The following CPE variants were observed in gnomAD, a reference collection of about 807,000 sequenced individuals.
CPE encodes the protein carboxypeptidase E, also known as carbocypeptidase E.
A neutral mutation model predicts 53.5 loss-of-function variants in CPE; 17 were observed. That is an observed-to-expected ratio of 0.32 (90% CI 0.22 to 0.48). The LOEUF (loss-of-function observed/expected upper bound fraction) is 0.48, where lower values mean the gene tolerates loss of function less well. CPE is among the 20% of genes least tolerant of loss of function. The probability of loss-of-function intolerance (pLI) is 0.99; values close to 1 mark genes in which losing one functional copy is unlikely to be tolerated. For synonymous variants in CPE, 226 were observed against 228.8 expected (o/e 0.99, Z 0.11); for missense variants, 524 against 614.7 (o/e 0.85, Z 1.56).
In CPE at chr4:165,433,308, C is replaced by T. The variant is rs79428612; in HGVS notation, c.308-31082C>T. On this transcript the variant is annotated intron_variant, in intron 1 of 8. Transcript: ENST00000402744. ...GGCTTTTATCTCTCTCCTGATTTCTCGGAAGGTCAGATGACTTAGTTTTAG... is the reference window on the plus strand; with the variant it reads ...GGCTTTTATCTCTCTCCTGATTTCTTGGAAGGTCAGATGACTTAGTTTTAG... Among the ~76,000 whole-genome samples the T allele has an allele frequency of 1.1e-3, 163 of 152,176 alleles. 5 individuals carry two copies. The East Asian group carries it at 0.029, about 27-fold the overall frequency.
intron 1 of CPE, among the ~76,000 whole-genome samples, chr4:165,418,972 A>C (rs1010050054): frequency 6.6e-6 from 1 of 152,148 alleles, no homozygotes; most frequent in African/African-American, 2.4e-5. Context: ...ATTGGGAATC[A>C]TTTTTTGATA....
At chr4:165,448,265 A>T (rs1251412820) in intron 1 of CPE, among the ~76,000 whole-genome samples, 1 of 152,180 alleles carries the variant, frequency 6.6e-6, no homozygotes, top group Non-Finnish European at 1.5e-5. Flanking sequence ...ATTACTTTTC[A>T]TATTAATTAT....
At chr4:165,401,069 A>G (rs1028054996) in intron 1 of CPE, among the ~76,000 whole-genome samples, 1 of 151,342 alleles carries the variant, frequency 6.6e-6, no homozygotes, top group Non-Finnish European at 1.5e-5. Flanking sequence ...TTTTCTTTAC[A>G]CAGCTGACTA....
intron 8 of CPE, among the ~76,000 whole-genome samples, chr4:165,496,620 C>T (rs1211415163): frequency 1.3e-5 from 2 of 152,106 alleles, no homozygotes; most frequent in Non-Finnish European, 2.9e-5. Flanking sequence ...TGGGATGGGG[C>T]CTGAGGGGAT....
In CPE at chr4:165,442,040, TTTTTTTG is replaced by T. The variant is rs1560883498; in HGVS notation, c.308-22343_308-22337del. On this transcript the variant is annotated intron_variant, in intron 1 of 8. Coordinates refer to ENST00000402744, the MANE Select transcript of CPE (RefSeq NM_001873.4). ...GTGAGTTTGTTTTTTTTTTTTGTTT[TTTTTTTG>T]TTTTTTTTTTTTTGAGACAGGGTCT... 2.8e-3 allele frequency among the ~76,000 whole-genome samples: 288 copies of T among 103,930 alleles called. 9 individuals carry two copies. Among genetic ancestry groups the T allele is most frequent in the East Asian group, 5.3e-3 (16 of 2,992 alleles). 68.2% of individuals were successfully genotyped at this position (103,930 alleles called of 152,430 possible). A position where few individuals can be genotyped will look rare whatever the true frequency, so the allele number is the denominator to read the frequency against.
At chr4:165,491,698 T>C (rs903198986) in intron 6 of CPE, among the ~76,000 whole-genome samples, 5 of 152,176 alleles carry the variant, frequency 3.3e-5, no homozygotes, top group African/African-American at 1.2e-4. Flanking sequence ...ATTAAAAAAT[T>C]ACATGTTATT....
intron 3 of CPE, among the ~76,000 whole-genome samples, chr4:165,476,291 G>A (rs146103988): frequency 2.8e-4 from 43 of 152,212 alleles, no homozygotes; most frequent in African/African-American, 9.4e-4. Context: ...GTATGCTTAT[G>A]CTTCTGGGGG....
chr4:165,422,666 G>A (rs537729019), intron 1 of CPE, among the ~76,000 whole-genome samples: 15 of 152,200 alleles, frequency 9.9e-5, no homozygotes, highest in African/African-American at 3.4e-4. Flanking sequence ...GAAATGAGAC[G>A]TCAATCAATA....
intron 1 of CPE, among the ~76,000 whole-genome samples, chr4:165,411,849 T>G (rs1414911983): frequency 2.0e-5 from 3 of 152,120 alleles, no homozygotes; most frequent in Admixed American, 2.0e-4. Context: ...CTGTGGCTGG[T>G]GATGGAGGCG....
chr4:165,392,397 A>G (rs1261858157), intron 1 of CPE, among the ~76,000 whole-genome samples: 7 of 146,124 alleles, frequency 4.8e-5, no homozygotes, highest in Non-Finnish European at 9.0e-5. Context: ...TATTATGCAT[A>G]CATATTCGGA....
intron 1 of CPE, among the ~76,000 whole-genome samples, chr4:165,412,195 A>C (rs775872873): frequency 1.1e-4 from 17 of 152,214 alleles, no homozygotes; most frequent in Non-Finnish European, 2.5e-4. Context: ...TTGAGGAAGA[A>C]ACAAAAGAGA....
chr4:165,446,289 A>G (rs192408371), intron 1 of CPE, among the ~76,000 whole-genome samples: 2 of 152,340 alleles, frequency 1.3e-5, no homozygotes, highest in East Asian at 3.9e-4. Flanking sequence ...ATACAAGTTT[A>G]GACTGAGAAA....
chr4:165,476,122 C>T (rs764121115), intron 3 of CPE, among the ~76,000 whole-genome samples: 78 of 152,034 alleles, frequency 5.1e-4, no homozygotes, highest in South Asian at 1.0e-3. Flanking sequence ...TAAGGCAGAG[C>T]GAGAGACTGA....
At chr4:165,464,846 T>C (rs1342812144) in intron 2 of CPE, among the ~76,000 whole-genome samples, 1 of 152,210 alleles carries the variant, frequency 6.6e-6, no homozygotes, top group East Asian at 1.9e-4. Flanking sequence ...CTGTTTTATG[T>C]TTTTCAATAA....
rs76140012 is a variant in CPE, at chr4:165,436,324, A to G, written c.308-28066A>G. 2.0e-3 allele frequency among the ~76,000 whole-genome samples: 302 copies of G among 152,250 alleles called. 2 individuals carry two copies. The highest frequency in any genetic ancestry group is 6.8e-3 in the African/African-American group (283 of 41,560). ...GTGAGTCATGACTTGCAGTTGGAAA[A>G]ACATTTTTCTAGGTGATCTCATATA... On this transcript the variant is annotated intron_variant, in intron 1 of 8. Transcript: ENST00000402744.
At position 165,495,666 on chromosome 4, in the gene CPE, C is replaced by A; in HGVS notation, c.1321C>A (p.Pro441Thr). Residue 441 changes from proline to threonine, a missense_variant, in exon 8 of 9, where the codon CCT (proline) becomes ACT (threonine). Transcript: ENST00000402744. ...AAAGAAAGTGGCAGTTCCTTACAGC[C>A]CTGCTGCTGGGGTAAGTAATCATAA... is the stretch of plus-strand genomic sequence containing the variant. ...ITKKVAVPYSPAAGVDFELES... is the reference protein window; with the variant it reads ...ITKKVAVPYSTAAGVDFELES... 1 of 1,608,512 alleles carries A rather than the reference C, an allele frequency of 6.2e-7. No homozygotes were observed. The highest frequency in any genetic ancestry group is 8.5e-7 in the Non-Finnish European group (1 of 1,176,330).
At chr4:165,467,059 ATATC>A (rs1200463710) in intron 2 of CPE, among the ~76,000 whole-genome samples, 2 of 152,216 alleles carry the variant, frequency 1.3e-5, no homozygotes, top group Non-Finnish European at 2.9e-5. Context: ...GCAGCAGCTT[ATATC>A]TATAATCCCA....
intron 3 of CPE, among the ~76,000 whole-genome samples, chr4:165,474,457 G>GA (rs545333078): frequency 4.0e-5 from 6 of 151,802 alleles, no homozygotes; most frequent in Non-Finnish European, 7.4e-5. Flanking sequence ...GAACAGAGGA[G>GA]AAAAAAAAGG....
intron 1 of CPE, among the ~76,000 whole-genome samples, chr4:165,403,136 A>C (rs1730896066): frequency 6.6e-6 from 1 of 152,190 alleles, no homozygotes; most frequent in African/African-American, 2.4e-5. Flanking sequence ...GATTATGAAG[A>C]ATATTTTGAT....
Sources: gnomAD v4.1 joint callset for allele counts (sites outside exome capture counted in the v4.1 genomes callset) on GRCh38, gnomAD v4.1.1 for gene constraint, MANE v1.5 for transcripts, NCBI Gene and HGNC (gene_info 2026-07-23, HGNC 2026-07-21) for gene names.